Variants in VPS26A observed in about 807,000 individuals in gnomAD.
VPS26A encodes the protein VPS26 retromer complex component A, also known as vacuolar protein sorting-associated protein 26A.
VPS26A carries 22 observed loss-of-function variants against 42.4 expected under a neutral mutation model. The observed-to-expected ratio is 0.52, with a 90% CI of 0.37 to 0.74. The LOEUF (loss-of-function observed/expected upper bound fraction) is 0.74. Among genes scored for constraint, VPS26A ranks in the 30% least tolerant of loss-of-function variants. The pLI is 0.00. For missense variants in VPS26A, 276 were observed against 379.2 expected, an observed-to-expected ratio of 0.73 and a Z score of 2.26; for synonymous variants, 110 against 123.5, an observed-to-expected ratio of 0.89 and a Z score of 0.73.
intron 2 of VPS26A, among the ~76,000 whole-genome samples, chr10:69,145,754 G>T (rs1003936692): frequency 6.7e-6 from 1 of 149,888 alleles, no homozygotes; most frequent in Non-Finnish European, 1.5e-5. Flanking sequence ...GCCTAATTGA[G>T]TTATAATTCA....
At chr10:69,147,109 G>T (rs115161449) in intron 2 of VPS26A, among the ~76,000 whole-genome samples, 4 of 151,994 alleles carry the variant, frequency 2.6e-5, no homozygotes, top group African/African-American at 9.7e-5. Context: ...TTTTATTATA[G>T]GTATTTTAGT....
chr10:69,130,828 G>A (rs1385703337), intron 1 of VPS26A, among the ~76,000 whole-genome samples: 1 of 152,132 alleles, frequency 6.6e-6, no homozygotes, highest in African/African-American at 2.4e-5. Flanking sequence ...TCAACATTAT[G>A]TGTATGAGAT....
intron 7 of VPS26A, among the ~76,000 whole-genome samples, chr10:69,167,160 T>C (rs12783566): frequency 0.18 from 26,657 of 149,560 alleles, 2,798 homozygotes; most frequent in Non-Finnish European, 0.23. Flanking sequence ...CCGGGCGTGG[T>C]GGCTCACGCC....
In VPS26A at chr10:69,171,436, A is replaced by C; in HGVS notation, c.*167A>C. 1 of 547,610 alleles carries C rather than the reference A, an allele frequency of 1.8e-6. No individual in the cohort carries two copies. The highest frequency in any genetic ancestry group is 3.1e-6 in the Non-Finnish European group (1 of 317,786). 33.9% of individuals were successfully genotyped at this position (547,610 alleles called of 1,614,324 possible). ...CAGCATTTATTTTATGATATAATGAAATGTTCGTTCATGTATATACATTTT... is the reference window on the plus strand; with the variant it reads ...CAGCATTTATTTTATGATATAATGACATGTTCGTTCATGTATATACATTTT... On this transcript the variant is annotated 3_prime_UTR_variant, in exon 9 of 9. Coordinates refer to ENST00000263559, the MANE Select transcript of VPS26A (RefSeq NM_004896.5).
chr10:69,153,897 GCACA>G (rs1841374334), intron 2 of VPS26A, among the ~76,000 whole-genome samples: 1 of 152,138 alleles, frequency 6.6e-6, no homozygotes, highest in African/African-American at 2.4e-5. Context: ...ATAGTAGCCA[GCACA>G]GGGCTGGGTA....
At chr10:69,124,757 T>C (rs1398224295) in intron 1 of VPS26A, among the ~76,000 whole-genome samples, 2 of 152,246 alleles carry the variant, frequency 1.3e-5, no homozygotes, top group African/African-American at 4.8e-5. Context: ...AAAACCTGAC[T>C]ATGGTGACAT....
At chr10:69,139,453 A>C (rs1385048205) in intron 2 of VPS26A, among the ~76,000 whole-genome samples, 1 of 151,988 alleles carries the variant, frequency 6.6e-6, no homozygotes, top group Non-Finnish European at 1.5e-5. Flanking sequence ...ACAGGTGCCC[A>C]CCACCATGTC....
intron 6 of VPS26A, 125 bp downstream of exon 6, chr10:69,162,637 TG>T (rs1334511812): frequency 1.9e-6 from 1 of 517,676 alleles, no homozygotes; most frequent in East Asian, 3.6e-5. Context: ...TTAATATTGC[TG>T]GCAGTAAGTT....
intron 2 of VPS26A, chr10:69,133,638 G>T (rs943028131): frequency 1.1e-5 from 14 of 1,274,888 alleles, no homozygotes; most frequent in Non-Finnish European, 1.2e-5. Flanking sequence ...TCTTTATCCG[G>T]TAATGTATAC....
intron 1 of VPS26A, among the ~76,000 whole-genome samples, chr10:69,126,394 T>A (rs538943471): frequency 1.3e-5 from 2 of 152,060 alleles, no homozygotes; most frequent in South Asian, 4.2e-4. Flanking sequence ...ACCAACATGG[T>A]GAAACTCCGT....
At position 69,171,137 on chromosome 10, in the gene VPS26A, T is replaced by C; in HGVS notation, c.871-19T>C. On this transcript the variant is annotated intron_variant, in intron 8 of 8. Coordinates refer to ENST00000263559, the MANE Select transcript of VPS26A (RefSeq NM_004896.5). ...CATATCAAACATTAATTTGTTAATATCTTGCATTTGTTTACTAGGAGATAA... is the reference window on the plus strand; with the variant it reads ...CATATCAAACATTAATTTGTTAATACCTTGCATTTGTTTACTAGGAGATAA... 3 of 1,577,188 alleles carry C rather than the reference T, an allele frequency of 1.9e-6. No individual in the cohort carries two copies. The highest frequency in any genetic ancestry group is 1.7e-5 in the Admixed American group (1 of 57,614).
intron 7 of VPS26A, 105 bp from the exon 8 acceptor site, chr10:69,168,384 T>A (rs1253929804): frequency 5.7e-6 from 7 of 1,227,670 alleles, no homozygotes; most frequent in Non-Finnish European, 8.0e-6. Flanking sequence ...TTGCATCTCA[T>A]GAGGATGTGA....
chr10:69,165,901 G>A, intron 6 of VPS26A, 141 bp from the exon 7 acceptor site: 2 of 749,732 alleles, frequency 2.7e-6, no homozygotes, highest in East Asian at 5.7e-5. Flanking sequence ...AGCCATGATT[G>A]GACCACTGCA....
intron 7 of VPS26A, 65 bp from the exon 8 acceptor site, chr10:69,168,424 T>A (rs987571893): frequency 3.2e-6 from 5 of 1,543,060 alleles, no homozygotes; most frequent in East Asian, 2.2e-5. Context: ...TAGTGCTTAG[T>A]CCTACCTGTT....
chr10:69,173,965 G>T lies in VPS26A; in HGVS notation c.*2696G>T, dbSNP rs1841876307. 6.6e-6 allele frequency among the ~76,000 whole-genome samples: 1 copy of T among 152,212 alleles called. No homozygotes were observed. Among genetic ancestry groups the T allele is most frequent in the African/African-American group, 2.4e-5 (1 of 41,448 alleles). ...GCCGAGATCACACCAATGCACTCCAGCCTGGCTAGAAGTTTGTAAAATGGA... is the reference window on the plus strand; with the variant it reads ...GCCGAGATCACACCAATGCACTCCATCCTGGCTAGAAGTTTGTAAAATGGA... On this transcript the variant is annotated 3_prime_UTR_variant, in exon 9 of 9. Coordinates refer to ENST00000263559, the MANE Select transcript of VPS26A (RefSeq NM_004896.5).
intron 1 of VPS26A, among the ~76,000 whole-genome samples, chr10:69,129,493 C>T (rs890977782): frequency 6.6e-6 from 1 of 151,522 alleles, no homozygotes; most frequent in Non-Finnish European, 1.5e-5. Context: ...GGTTAAAATT[C>T]GAGTTTGTTA....
chr10:69,133,581 A>C, intron 2 of VPS26A: 3 of 1,289,686 alleles, frequency 2.3e-6, no homozygotes, highest in Non-Finnish European at 3.0e-6. Context: ...ATGCATGGTC[A>C]GATATGTTTA....
At chr10:69,164,233 T>C (rs111360593) in intron 6 of VPS26A, among the ~76,000 whole-genome samples, 1 of 151,926 alleles carries the variant, frequency 6.6e-6, no homozygotes, top group Non-Finnish European at 1.5e-5. Context: ...CTTTTTTTTT[T>C]TTGAGACAGG....
intron 5 of VPS26A, 89 bp from the exon 6 acceptor site, chr10:69,162,317 A>C: frequency 1.5e-6 from 1 of 649,104 alleles, no homozygotes; most frequent in Non-Finnish European, 2.6e-6. Flanking sequence ...ATTATACTAA[A>C]GATGTCTATC....
Sources: gnomAD v4.1 joint callset for allele counts (sites outside exome capture counted in the v4.1 genomes callset) on GRCh38, gnomAD v4.1.1 for gene constraint, MANE v1.5 for transcripts, NCBI Gene and HGNC (gene_info 2026-07-23, HGNC 2026-07-21) for gene names.